The following CELF2 variants were observed in gnomAD, a reference collection of about 807,000 sequenced individuals.
CELF2 encodes CUGBP Elav-like family member 2, also known as CUG triplet repeat RNA-binding protein 2.
A neutral mutation model predicts 62.6 loss-of-function variants in CELF2; 8 were observed. The ratio of observed to expected loss-of-function variants is 0.13; its 90% CI spans 0.07 to 0.23. CELF2 has a LOEUF of 0.23. Among genes scored for constraint, CELF2 ranks in the 10% least tolerant of loss-of-function variants. The probability of loss-of-function intolerance (pLI) is 1.00; values close to 1 mark genes in which losing one functional copy is unlikely to be tolerated. For synonymous variants in CELF2, 258 were observed against 250.0 expected (o/e 1.03, Z -0.30); for missense variants, 333 against 671.0 (o/e 0.50, Z 5.56).
intron 1 of CELF2, among the ~76,000 whole-genome samples, chr10:11,032,511 G>A (rs2060292016): frequency 6.6e-6 from 1 of 152,134 alleles, no homozygotes; most frequent in African/African-American, 2.4e-5. Flanking sequence ...TAAAATCTAA[G>A]GAACTGTTTA....
chr10:11,208,505 G>T (rs1236532422), intron 2 of CELF2, among the ~76,000 whole-genome samples: 1 of 152,200 alleles, frequency 6.6e-6, no homozygotes, highest in African/African-American at 2.4e-5. Context: ...ACTGAGCAGG[G>T]ACACTCGGCA....
chr10:10,852,226 A>G (rs770081314), intron 1 of CELF2, among the ~76,000 whole-genome samples: 8 of 152,226 alleles, frequency 5.3e-5, no homozygotes, highest in Non-Finnish European at 7.3e-5. Flanking sequence ...GATTACACCA[A>G]TGTGATACAT....
chr10:10,651,400 GCTCCACCT>G, the CELF2 span, among the ~76,000 whole-genome samples: 1 of 146,360 alleles, frequency 6.8e-6, no homozygotes, highest in Non-Finnish European at 1.5e-5. Flanking sequence ...GCCTCTGTAG[GCTCCACCT>G]CTGGGGGCAG....
At chr10:11,320,950 G>T in intron 10 of CELF2, 1 of 1,541,014 alleles carries the variant, frequency 6.5e-7, no homozygotes. Flanking sequence ...TCTAACTCGT[G>T]CCACAGTGCA....
At chr10:10,793,365 T>C in the CELF2 span, among the ~76,000 whole-genome samples, 1 of 152,218 alleles carries the variant, frequency 6.6e-6, no homozygotes, top group Non-Finnish European at 1.5e-5. Context: ...AGTGAGGATA[T>C]GTACAAAACA....
the CELF2 span, among the ~76,000 whole-genome samples, chr10:10,708,778 G>C: frequency 2.0e-5 from 3 of 152,008 alleles, no homozygotes; most frequent in Non-Finnish European, 4.4e-5. Flanking sequence ...TAATATACTG[G>C]GAATGGTTGA....
At chr10:10,492,379 G>A in the CELF2 span, among the ~76,000 whole-genome samples, 2 of 152,336 alleles carry the variant, frequency 1.3e-5, no homozygotes, top group Middle Eastern at 3.4e-3. Flanking sequence ...GTTAATGGGT[G>A]CAGCACACCA....
At chr10:10,648,835 A>G in the CELF2 span, among the ~76,000 whole-genome samples, 22 of 152,326 alleles carry the variant, frequency 1.4e-4, no homozygotes, top group African/African-American at 5.1e-4. Flanking sequence ...TGGAAATTTG[A>G]TCTTCTCAAA....
intron 8 of CELF2, among the ~76,000 whole-genome samples, chr10:11,284,021 G>A (rs2090110536): frequency 7.2e-6 from 1 of 139,814 alleles, no homozygotes; most frequent in African/African-American, 2.7e-5. Context: ...TGTGGTGGGT[G>A]GATGATGGAT....
At chr10:10,884,734 C>A (rs1339802832) in intron 1 of CELF2, among the ~76,000 whole-genome samples, 1 of 152,176 alleles carries the variant, frequency 6.6e-6, no homozygotes, top group Non-Finnish European at 1.5e-5. Context: ...TTTTCCTGAA[C>A]TTGAGGAAAT....
chr10:11,209,830 G>A (rs2061372156), intron 2 of CELF2, among the ~76,000 whole-genome samples: 1 of 152,058 alleles, frequency 6.6e-6, no homozygotes, highest in African/African-American at 2.4e-5. Flanking sequence ...GGCTAAGATT[G>A]AGGGAGAAAA....
intron 1 of CELF2, among the ~76,000 whole-genome samples, chr10:11,054,507 G>GTGTGTGTA (rs61446133): frequency 0.082 from 12,442 of 151,178 alleles, 632 homozygotes; most frequent in African/African-American, 0.14. Flanking sequence ...GTGTGTGTGT[G>GTGTGTGTA]TGTGTGTGTG....
intron 7 of CELF2, among the ~76,000 whole-genome samples, chr10:11,271,086 T>C (rs2083617215): frequency 6.6e-6 from 1 of 152,182 alleles, no homozygotes; most frequent in Non-Finnish European, 1.5e-5. Context: ...CCCAAGGCCC[T>C]GAGTTAGAAG....
chr10:11,254,879 C>T (rs941012891), intron 4 of CELF2, among the ~76,000 whole-genome samples: 1 of 151,278 alleles, frequency 6.6e-6, no homozygotes, highest in Non-Finnish European at 1.5e-5. Context: ...TTTTCTACCC[C>T]CTTTCCATCC....
the CELF2 span, among the ~76,000 whole-genome samples, chr10:10,560,794 A>G: frequency 6.6e-6 from 1 of 152,196 alleles, no homozygotes; most frequent in Admixed American, 6.5e-5. Context: ...ATGAGTGGAT[A>G]AAAAACTCTG....
At position 11,296,012 on chromosome 10, in the gene CELF2, C is replaced by T. The variant is rs544968543; in HGVS notation, c.976+7460C>T. Among the ~76,000 whole-genome samples the T allele has an allele frequency of 1.6e-4, 25 of 152,196 alleles. No homozygotes were observed. Among genetic ancestry groups the T allele is most frequent in the Non-Finnish European group, 2.5e-4 (17 of 68,010 alleles). The stretch of plus-strand genomic sequence containing the variant: ...ACCAATTTAAAGCTTAATAAAGCTG[C>T]GCAGCTTTGGGGGTAGAGATATTTA... On this transcript the variant is annotated intron_variant, in intron 9 of 12. Coordinates refer to ENST00000633077, the MANE Select transcript of CELF2 (RefSeq NM_001326342.2). This position sits in a 1 kb window ranked among gnomAD's most constrained non-coding sequence, Gnocchi z 5.0.
At chr10:10,777,338 C>T in the CELF2 span, among the ~76,000 whole-genome samples, 5 of 152,188 alleles carry the variant, frequency 3.3e-5, no homozygotes, top group Non-Finnish European at 5.9e-5. Flanking sequence ...TCAGCAAATA[C>T]TTCCTAGACT....
At chr10:10,668,381 C>T in the CELF2 span, among the ~76,000 whole-genome samples, 1 of 152,162 alleles carries the variant, frequency 6.6e-6, no homozygotes, top group Non-Finnish European at 1.5e-5. Flanking sequence ...GAATGCCCTA[C>T]CTTGTGGATT....
rs771514885 is a variant in CELF2 at position 11,288,452 on chromosome 10, G to T, written c.876G>T (p.Thr292=). ...MNALQLQNLA[T]LAAAAAAAQT... ...CTTTACAGTTGCAGAACCTGGCGAC[G>T]CTGGCTGCTGCTGCAGCTGCGGCCC... The change falls in exon 9 of 13, where the codon ACG becomes ACT. Residue 292 remains threonine, a synonymous_variant. Coordinates refer to ENST00000633077, the MANE Select transcript of CELF2 (RefSeq NM_001326342.2). The T allele has an allele frequency of 5.6e-6, 9 of 1,613,882 alleles. No individual in the cohort carries two copies. In the South Asian group the frequency reaches 7.7e-5, roughly 14 times the overall value.
Sources: gnomAD v4.1 joint callset for allele counts (sites outside exome capture counted in the v4.1 genomes callset) on GRCh38, gnomAD v4.1.1 for gene constraint, Gnocchi (gnomAD v3.1) non-coding constraint, MANE v1.5 for transcripts, NCBI Gene and HGNC (gene_info 2026-07-23, HGNC 2026-07-21) for gene names.